FSHR: variants seen among roughly 807,000 people sequenced by gnomAD.
FSHR encodes follicle-stimulating hormone receptor.
Under a neutral mutation model 52.1 loss-of-function variants are expected in FSHR, and 46 were observed. The ratio of observed to expected loss-of-function variants is 0.88; its 90% CI spans 0.70 to 1.13. The LOEUF (loss-of-function observed/expected upper bound fraction) is 1.13. FSHR is among the 50% of genes most tolerant of loss of function. FSHR has a pLI of 0.00. For synonymous variants in FSHR, 399 were observed against 309.6 expected (o/e 1.29, Z -3.03); for missense variants, 964 against 834.6 (o/e 1.16, Z -1.91).
intron 4 of FSHR, among the ~76,000 whole-genome samples, chr2:49,013,737 T>C (rs1572633756): frequency 6.6e-6 from 1 of 151,686 alleles, no homozygotes; most frequent in Admixed American, 6.6e-5. Context: ...AAACATTTTG[T>C]ATAGTGTAGA....
At chr2:49,125,160 C>T (rs1339075977) in intron 1 of FSHR, among the ~76,000 whole-genome samples, 1 of 152,160 alleles carries the variant, frequency 6.6e-6, no homozygotes, top group Non-Finnish European at 1.5e-5. Flanking sequence ...TCTGATCCTC[C>T]CTATTGCCTT....
At chr2:48,970,339 C>T (rs1260884913) in intron 8 of FSHR, among the ~76,000 whole-genome samples, 1 of 152,144 alleles carries the variant, frequency 6.6e-6, no homozygotes, top group East Asian at 1.9e-4. Context: ...TTCTCTTCAG[C>T]CTCTCGGGAA....
rs569459350 is a variant in FSHR, at chr2:49,137,719, A to G, written c.152+16547T>C. ...TCAACTGATTTTCAATATGGTCCCAATTGTTTAGTAAGGGACAATTAAATA... is the reference window on the plus strand; with the variant it reads ...TCAACTGATTTTCAATATGGTCCCAGTTGTTTAGTAAGGGACAATTAAATA... On this transcript the variant is annotated intron_variant, in intron 1 of 9. Coordinates refer to ENST00000406846, the MANE Select transcript of FSHR (RefSeq NM_000145.4). Among the ~76,000 whole-genome samples the G allele has an allele frequency of 3.9e-5, 6 of 152,268 alleles. No individual in the cohort carries two copies. The East Asian group carries it at 1.2e-3, about 29-fold the overall frequency.
intron 3 of FSHR, among the ~76,000 whole-genome samples, chr2:49,018,280 G>A (rs2104213897): frequency 6.6e-6 from 1 of 152,320 alleles, no homozygotes; most frequent in African/African-American, 2.4e-5. Context: ...TTGATCAACA[G>A]TCTGGAAGTG....
intron 1 of FSHR, among the ~76,000 whole-genome samples, chr2:49,147,575 C>T (rs1462383516): frequency 6.6e-6 from 1 of 152,194 alleles, no homozygotes; most frequent in Middle Eastern, 3.4e-3. Context: ...CAAACCCCTA[C>T]TCTTCAATTG....
rs112808578 is a variant in FSHR at position 49,034,882 on chromosome 2, G to C, written c.225-14722C>G. Among the ~76,000 whole-genome samples the C allele has an allele frequency of 4.3e-3, 656 of 152,276 alleles. 4 individuals are homozygous for C. The highest frequency in any genetic ancestry group is 0.013 in the African/African-American group (552 of 41,544). ...GAGAAATAGATGGAAGGGTTAGAAG[G>C]AGGGTGGCATTTAACACAGAAGATG... On this transcript the variant is annotated intron_variant, in intron 2 of 9. Coordinates refer to ENST00000406846, the MANE Select transcript of FSHR (RefSeq NM_000145.4).
At chr2:49,000,463 C>T (rs1666829304) in intron 4 of FSHR, among the ~76,000 whole-genome samples, 1 of 152,158 alleles carries the variant, frequency 6.6e-6, no homozygotes, top group Non-Finnish European at 1.5e-5. Context: ...AGCAAGCTAT[C>T]GGATACCTCC....
chr2:49,119,028 A>G (rs906810659), intron 1 of FSHR, among the ~76,000 whole-genome samples: 9 of 152,194 alleles, frequency 5.9e-5, no homozygotes, highest in African/African-American at 2.2e-4. Flanking sequence ...CTAGACACCA[A>G]CAGGATCCAG....
chr2:49,080,248 G>C lies in FSHR; in HGVS notation c.153-11958C>G, dbSNP rs7596690. On this transcript the variant is annotated intron_variant, in intron 1 of 9. Transcript: ENST00000406846. ...ACAGTAGGATATTTTCTACAGTCTT[G>C]ATGGAAGGATAATTTGCTACAACTG... is the stretch of plus-strand genomic sequence containing the variant. Among the ~76,000 whole-genome samples, 1,353 of 152,236 alleles carry C rather than the reference G, an allele frequency of 8.9e-3. 18 individuals are homozygous for C. Among genetic ancestry groups the C allele is most frequent in the Middle Eastern group, 0.034 (10 of 294 alleles).
chr2:49,004,946 T>G (rs1573079410), intron 4 of FSHR, among the ~76,000 whole-genome samples: 1 of 152,250 alleles, frequency 6.6e-6, no homozygotes, highest in East Asian at 1.9e-4. Context: ...CTATGTGCTA[T>G]TTGAGTGGGT....
intron 1 of FSHR, among the ~76,000 whole-genome samples, chr2:49,082,121 G>C (rs1391204498): frequency 1.3e-5 from 2 of 152,202 alleles, no homozygotes; most frequent in Non-Finnish European, 2.9e-5. Context: ...GCTTTGAAGA[G>C]AGCAGTGGTT....
At chr2:48,992,655 GA>G (rs1194828838) in intron 4 of FSHR, among the ~76,000 whole-genome samples, 2 of 151,974 alleles carry the variant, frequency 1.3e-5, no homozygotes, top group African/African-American at 4.8e-5. Flanking sequence ...TTGCCCAGGG[GA>G]CAATTGGTGG....
At chr2:49,044,692 C>T (rs1456445191) in intron 2 of FSHR, among the ~76,000 whole-genome samples, 6 of 152,126 alleles carry the variant, frequency 3.9e-5, no homozygotes, top group African/African-American at 7.2e-5. Context: ...TTCATTTCAC[C>T]TCCCCCAACC....
intron 2 of FSHR, among the ~76,000 whole-genome samples, chr2:49,063,840 CAAAG>C (rs1269053173): frequency 6.6e-6 from 1 of 151,890 alleles, no homozygotes; most frequent in Non-Finnish European, 1.5e-5. Flanking sequence ...GTTTCCAAAA[CAAAG>C]AAATGATAAA....
intron 2 of FSHR, among the ~76,000 whole-genome samples, chr2:49,046,467 G>A (rs1357329216): frequency 6.6e-6 from 1 of 152,078 alleles, no homozygotes; most frequent in Non-Finnish European, 1.5e-5. Flanking sequence ...AACCACTTTG[G>A]CTTCAACGTT....
At chr2:48,974,359 G>A (rs2268362) in intron 8 of FSHR, among the ~76,000 whole-genome samples, 1 of 152,110 alleles carries the variant, frequency 6.6e-6, no homozygotes, top group African/African-American at 2.4e-5. Flanking sequence ...CCGTTGCTCA[G>A]TGTTCTGGAG....
chr2:49,068,229 G>A lies in FSHR; in HGVS notation c.214C>T (p.Leu72=). ...QKGAFSGFGD[L]EKIEISQNDV... is the part of the protein sequence containing the mutation. ...GTGCTAGGTACATACATTTTCTCCA[G>A]GTCCCCAAATCCTGAAAATGCACCT... Residue 72 remains leucine, a synonymous_variant, in exon 2 of 10, where the codon CTG becomes TTG. Coordinates refer to ENST00000406846, the MANE Select transcript of FSHR (RefSeq NM_000145.4). The A allele has an allele frequency of 1.2e-6, 2 of 1,610,326 alleles. No individual in the cohort carries two copies. Among genetic ancestry groups the A allele is most frequent in the East Asian group, 2.2e-5 (1 of 44,774 alleles).
At chr2:48,971,255 G>C (rs1353402997) in intron 8 of FSHR, among the ~76,000 whole-genome samples, 1 of 152,276 alleles carries the variant, frequency 6.6e-6, no homozygotes, top group Middle Eastern at 3.4e-3. Flanking sequence ...TTATCAATCA[G>C]CTTTCAATTG....
chr2:48,978,889 A>C (rs1290074299), intron 8 of FSHR, among the ~76,000 whole-genome samples: 2 of 152,158 alleles, frequency 1.3e-5, no homozygotes, highest in Non-Finnish European at 2.9e-5. Context: ...CATCAGTTTG[A>C]GTGTGTGCCC....
Sources: allele counts gnomAD v4.1 joint callset (sites outside exome capture counted in the v4.1 genomes callset), GRCh38; gene constraint gnomAD v4.1.1; transcripts MANE v1.5; gene names NCBI Gene and HGNC (gene_info 2026-07-23, HGNC 2026-07-21).